Variants in GNPTAB observed in about 807,000 individuals in gnomAD.
GNPTAB encodes N-acetylglucosamine-1-phosphotransferase subunits alpha/beta.
A neutral mutation model predicts 136.6 loss-of-function variants in GNPTAB; 92 were observed. The ratio of observed to expected loss-of-function variants is 0.67; its 90% confidence interval spans 0.57 to 0.80. The LOEUF (loss-of-function observed/expected upper bound fraction) is 0.80. Among genes scored for constraint, GNPTAB ranks in the 30% least tolerant of loss-of-function variants. The pLI is 0.00. For synonymous variants in GNPTAB, 512 were observed against 535.1 expected, an observed-to-expected ratio of 0.96 and a Z score of 0.60; for missense variants, 1,343 against 1,501.8, an observed-to-expected ratio of 0.89 and a Z score of 1.75.
chr12:101,796,812 T>C (rs747863335), intron 1 of GNPTAB, 50 bp from the exon 2 acceptor site: 3 of 1,176,956 alleles, frequency 2.5e-6, no homozygotes, highest in Non-Finnish European at 3.8e-6. Flanking sequence ...ACTAAGAGTA[T>C]ATAACTTTCA....
At chr12:101,758,403 G>T (rs1211368108) in intron 16 of GNPTAB, among the ~76,000 whole-genome samples, 5 of 152,138 alleles carry the variant, frequency 3.3e-5, no homozygotes, top group African/African-American at 1.2e-4. Context: ...TTGAATTCCT[G>T]ACCTCAGGTG....
At chr12:101,770,313 G>A (rs1953151679) in intron 9 of GNPTAB, 93 bp downstream of exon 9, 2 of 1,355,118 alleles carry the variant, frequency 1.5e-6, no homozygotes, top group Admixed American at 1.7e-5. Flanking sequence ...GGAGGTAGAA[G>A]GGTAAAGGGA....
chr12:101,755,326 G>A lies in GNPTAB; in HGVS notation c.3435-1787C>T, dbSNP rs568081331. Among the ~76,000 whole-genome samples, 3 of 152,308 alleles carry A rather than the reference G, an allele frequency of 2.0e-5. No individual in the cohort carries two copies. The South Asian group carries it at 6.2e-4, about 32-fold the overall frequency. The stretch of plus-strand genomic sequence containing the variant: ...TAGCCTACACTTCTGAAGAAGACAA[G>A]TGAGGGGTATGTGAAAGCTCATTCA... On this transcript the variant is annotated intron_variant, in intron 18 of 20. Coordinates refer to ENST00000299314, the MANE Select transcript of GNPTAB (RefSeq NM_024312.5).
chr12:101,800,202 T>G (rs200745311), intron 1 of GNPTAB, among the ~76,000 whole-genome samples: 1 of 143,310 alleles, frequency 7.0e-6, no homozygotes, highest in Non-Finnish European at 1.5e-5. Flanking sequence ...AAATTATCTT[T>G]GGCCAGGTGT....
chr12:101,784,485 C>T (rs1296647197), intron 5 of GNPTAB, among the ~76,000 whole-genome samples: 1 of 152,158 alleles, frequency 6.6e-6, no homozygotes, highest in East Asian at 1.9e-4. Flanking sequence ...CAAACATGAA[C>T]TGCTATATTA....
intron 16 of GNPTAB, 107 bp from the exon 17 acceptor site, chr12:101,757,764 G>C (rs1260316881): frequency 2.7e-6 from 2 of 727,462 alleles, no homozygotes; most frequent in Non-Finnish European, 5.0e-6. Context: ...GCTCTCTGGA[G>C]GTAAGAAAAA....
Position 101,765,044 on chromosome 12 carries a change from A to G in GNPTAB, c.1873T>C (p.Phe625Leu), listed in dbSNP as rs1555269734. The change falls in exon 13 of 21, where the codon TTC (phenylalanine) becomes CTC (leucine). Residue 625 changes from phenylalanine (F) to leucine (L), a missense_variant. Coordinates refer to ENST00000299314, the MANE Select transcript of GNPTAB (RefSeq NM_024312.5). ...LTFQNTNDEE[F>L]KMQITVEVDT... ...ACCTCCACTGTTATCTGCATTTTGA[A>G]CTCTTCATCGTTTGTATTTTGAAAC... The G allele has an allele frequency of 6.2e-7, 1 of 1,613,504 alleles. No individual in the cohort carries two copies. The highest frequency in any genetic ancestry group is 8.5e-7 in the Non-Finnish European group (1 of 1,179,886).
At chr12:101,761,480 T>C (rs1045429988) in intron 14 of GNPTAB, 84 bp downstream of exon 14, 7 of 1,464,016 alleles carry the variant, frequency 4.8e-6, no homozygotes, top group African/African-American at 1.4e-5. Flanking sequence ...ATTAGAGCTA[T>C]AAATTTAGCA....
chr12:101,775,770 G>A (rs569759029), intron 7 of GNPTAB, among the ~76,000 whole-genome samples: 183 of 152,084 alleles, frequency 1.2e-3, no homozygotes, highest in Admixed American at 0.012. Context: ...AAAAGGTACC[G>A]TGCTTTAAAA....
Position 101,786,131 on chromosome 12 carries a change from A to C in GNPTAB, c.452T>G (p.Leu151Arg), listed in dbSNP as rs200015550. Residue 151 changes from leucine to arginine, a missense_variant, in exon 5 of 21, where the codon CTG (leucine) becomes CGG (arginine). Coordinates refer to ENST00000299314, the MANE Select transcript of GNPTAB (RefSeq NM_024312.5). ...AGGATAAAGAGATGGCAGGTCCTTCAGGGTGATGTTGGCTGGCAGGGCTGG... is the reference window on the plus strand; with the variant it reads ...AGGATAAAGAGATGGCAGGTCCTTCCGGGTGATGTTGGCTGGCAGGGCTGG... ...LDPALPANITLKDLPSLYPSF... is the reference protein window; with the variant it reads ...LDPALPANITRKDLPSLYPSF... 12 of 1,614,104 alleles carry C rather than the reference A, an allele frequency of 7.4e-6. No individual in the cohort carries two copies. The East Asian group carries it at 2.7e-4, about 36-fold the overall frequency.
At chr12:101,780,420 CA>C in intron 6 of GNPTAB, 134 bp from the exon 7 acceptor site, 1 of 1,123,930 alleles carries the variant, frequency 8.9e-7, no homozygotes. Flanking sequence ...TTACTTGAAT[CA>C]ACAGTCATTA....
intron 1 of GNPTAB, among the ~76,000 whole-genome samples, chr12:101,797,497 C>T (rs956792227): frequency 2.0e-5 from 3 of 152,116 alleles, no homozygotes; most frequent in Non-Finnish European, 4.4e-5. Context: ...TGGCGGCATG[C>T]GCCTGCAGTC....
At chr12:101,758,388 T>C (rs1479547344) in intron 16 of GNPTAB, among the ~76,000 whole-genome samples, 1 of 152,166 alleles carries the variant, frequency 6.6e-6, no homozygotes, top group Non-Finnish European at 1.5e-5. Flanking sequence ...TTGGCCAGGC[T>C]GGTCTTGAAT....
chr12:101,801,003 G>A (rs1358599714), intron 1 of GNPTAB, among the ~76,000 whole-genome samples: 3 of 151,898 alleles, frequency 2.0e-5, no homozygotes, highest in Admixed American at 2.0e-4. Context: ...GGAGGCTGAG[G>A]TGGGAGAATC....
At chr12:101,813,822 T>C (rs1376258661) in intron 1 of GNPTAB, among the ~76,000 whole-genome samples, 4 of 152,114 alleles carry the variant, frequency 2.6e-5, no homozygotes, top group Admixed American at 2.6e-4. Context: ...GGCTCACGCC[T>C]GTAATCCCAG....
intron 10 of GNPTAB, among the ~76,000 whole-genome samples, chr12:101,768,892 C>G (rs937142210): frequency 6.6e-5 from 10 of 152,176 alleles, no homozygotes; most frequent in Admixed American, 4.6e-4. Context: ...TTTGCTCACA[C>G]TCCTCAGCAC....
intron 12 of GNPTAB, 159 bp downstream of exon 12, chr12:101,765,932 T>A: frequency 1.4e-6 from 1 of 697,302 alleles, no homozygotes; most frequent in Non-Finnish European, 2.6e-6. Flanking sequence ...CTTCAGTGAT[T>A]TATGTTGTTC....
At chr12:101,824,086 C>A (rs928107640) in intron 1 of GNPTAB, among the ~76,000 whole-genome samples, 8 of 152,162 alleles carry the variant, frequency 5.3e-5, no homozygotes, top group Admixed American at 2.0e-4. Context: ...TTGAGACTGA[C>A]AGCCCCACCC....
At chr12:101,754,754 TCAAA>T (rs1322800454) in intron 18 of GNPTAB, among the ~76,000 whole-genome samples, 10 of 144,824 alleles carry the variant, frequency 6.9e-5, no homozygotes, top group South Asian at 6.6e-4. Flanking sequence ...AAAAAAAAAA[TCAAA>T]CAAACCTGAT....
Sources: allele counts gnomAD v4.1 joint callset (sites outside exome capture counted in the v4.1 genomes callset), GRCh38; gene constraint gnomAD v4.1.1; transcripts MANE v1.5; gene names NCBI Gene and HGNC (gene_info 2026-07-23, HGNC 2026-07-21).